Variants in CCDC102B observed in about 807,000 individuals in gnomAD.
CCDC102B encodes the protein coiled-coil domain containing 102B.
CCDC102B carries 75 observed loss-of-function variants against 57.4 expected under a neutral mutation model. The ratio of observed to expected loss-of-function variants is 1.31; its 90% CI spans 1.08 to 1.58. The LOEUF is 1.58. Among genes scored for constraint, CCDC102B ranks in the 40% most tolerant of loss-of-function variants. CCDC102B has a pLI of 0.00. For missense variants in CCDC102B, 636 were observed against 582.6 expected (o/e 1.09, Z -0.94); for synonymous variants, 206 against 201.9 (o/e 1.02, Z -0.17).
intron 7 of CCDC102B, among the ~76,000 whole-genome samples, chr18:69,029,607 G>A (rs1401212632): frequency 6.6e-6 from 1 of 152,148 alleles, no homozygotes; most frequent in Non-Finnish European, 1.5e-5. Flanking sequence ...TAAACAAGCA[G>A]TTCTCAACTC....
chr18:68,979,807 T>C (rs1479505476), intron 6 of CCDC102B, among the ~76,000 whole-genome samples: 1 of 151,968 alleles, frequency 6.6e-6, no homozygotes, highest in African/African-American at 2.4e-5. Flanking sequence ...TCTGCTCTCC[T>C]CCTCTGATGT....
intron 6 of CCDC102B, among the ~76,000 whole-genome samples, chr18:68,976,090 G>A (rs2145275436): frequency 6.6e-6 from 1 of 152,002 alleles, no homozygotes; most frequent in Admixed American, 6.6e-5. Context: ...TTGATAGCTA[G>A]AATTAAACCA....
intron 2 of CCDC102B, among the ~76,000 whole-genome samples, chr18:68,728,578 A>C (rs1283936286): frequency 6.6e-6 from 1 of 152,338 alleles, no homozygotes; most frequent in Non-Finnish European, 1.5e-5. Flanking sequence ...GACCTGAAGC[A>C]GGCAGAATGC....
At chr18:69,048,222 G>T (rs866127696) in intron 7 of CCDC102B, among the ~76,000 whole-genome samples, 7 of 147,532 alleles carry the variant, frequency 4.7e-5, no homozygotes, top group African/African-American at 7.4e-5. Flanking sequence ...GTGTGTGTGT[G>T]TTTTTTTTTT....
chr18:69,055,204 C>G (rs1005387104), downstream of CCDC102B: 7 of 929,024 alleles, frequency 7.5e-6, no homozygotes, highest in South Asian at 5.0e-5. Flanking sequence ...ATTGTAAAAG[C>G]CTTTGTCATT....
chr18:68,823,629 C>T (rs76431344), intron 1 of CCDC102B, among the ~76,000 whole-genome samples: 5,240 of 152,206 alleles, frequency 0.034, 124 homozygotes, highest in Non-Finnish European at 0.049. Context: ...AACAAATCTC[C>T]GAATTGCTTT....
chr18:68,972,130 G>T (rs1484123296), intron 6 of CCDC102B, among the ~76,000 whole-genome samples: 2 of 152,144 alleles, frequency 1.3e-5, no homozygotes, highest in African/African-American at 4.8e-5. Flanking sequence ...TACTAGATTT[G>T]GGAAGTGCAT....
At chr18:68,975,987 CA>C (rs2050426845) in intron 6 of CCDC102B, among the ~76,000 whole-genome samples, 1 of 151,814 alleles carries the variant, frequency 6.6e-6, no homozygotes, top group Non-Finnish European at 1.5e-5. Context: ...TCATAAGAGT[CA>C]ATAGAAATAC....
At chr18:68,868,179 T>A (rs1399390421) in intron 4 of CCDC102B, among the ~76,000 whole-genome samples, 1 of 152,100 alleles carries the variant, frequency 6.6e-6, no homozygotes, top group Non-Finnish European at 1.5e-5. Context: ...TATTTAAAAT[T>A]CACTAAAAAT....
intron 7 of CCDC102B, among the ~76,000 whole-genome samples, chr18:69,027,512 A>G (rs1388081680): frequency 1.3e-5 from 2 of 152,288 alleles, no homozygotes; most frequent in East Asian, 1.9e-4. Flanking sequence ...ATTCATTTTG[A>G]TGGATTTATA....
chr18:68,993,541 C>T (rs963764454), intron 6 of CCDC102B, among the ~76,000 whole-genome samples: 4 of 152,152 alleles, frequency 2.6e-5, no homozygotes, highest in African/African-American at 9.7e-5. Flanking sequence ...TTAGTGTACT[C>T]ACAACAATAT....
At chr18:68,747,598 A>G (rs1352772343) in intron 2 of CCDC102B, among the ~76,000 whole-genome samples, 1 of 152,096 alleles carries the variant, frequency 6.6e-6, no homozygotes, top group Non-Finnish European at 1.5e-5. Flanking sequence ...TAGACACTTT[A>G]TGTACATGGA....
chr18:69,010,994 G>A lies in CCDC102B; in HGVS notation c.1324G>A (p.Ala442Thr). The A allele has an allele frequency of 6.2e-7, 1 of 1,613,608 alleles. No individual in the cohort carries two copies. Among genetic ancestry groups the A allele is most frequent in the Non-Finnish European group, 8.5e-7 (1 of 1,179,700 alleles). The change falls in exon 7 of 8, where the codon GCA (alanine) becomes ACA (threonine). Residue 442 changes from alanine (A) to threonine (T), a missense_variant. By Grantham distance (58) the Ala-to-Thr change is moderately conservative. Transcript: ENST00000360242. Reference protein sequence around the residue: ...KLNRQYQANIAELTHANNRVD... With the variant: ...KLNRQYQANITELTHANNRVD... ...AAACAGACAATACCAGGCAAATATTGCAGAACTGACTCATGCAAACAACCG... is the reference window on the plus strand; with the variant it reads ...AAACAGACAATACCAGGCAAATATTACAGAACTGACTCATGCAAACAACCG...
At chr18:68,770,044 G>A (rs1025985811) in intron 2 of CCDC102B, among the ~76,000 whole-genome samples, 4 of 152,168 alleles carry the variant, frequency 2.6e-5, no homozygotes, top group Admixed American at 6.5e-5. Flanking sequence ...GCTTGGACTA[G>A]GTGTTGGAAG....
At chr18:68,943,597 C>T (rs961671537) in intron 6 of CCDC102B, among the ~76,000 whole-genome samples, 11 of 152,052 alleles carry the variant, frequency 7.2e-5, no homozygotes, top group Admixed American at 6.6e-4. Context: ...ACAATAAAGA[C>T]GTTGTTCATT....
Position 69,004,584 on chromosome 18 carries a change from CT to C in CCDC102B, c.1264-6349del, listed in dbSNP as rs1384902762. Among the ~76,000 whole-genome samples, 4 of 152,054 alleles carry C rather than the reference CT, an allele frequency of 2.6e-5. 1 individual carries two copies. The highest frequency in any genetic ancestry group is 5.9e-5 in the Non-Finnish European group (4 of 68,014). On this transcript the variant is annotated intron_variant, in intron 6 of 7. Transcript: ENST00000360242. ...CTCAGAGGCACAGGGCAGAAACTTC[CT>C]GTCACTTGATTTTTCCTGCTTTTCT...
chr18:68,927,171 A>G (rs1385756512), intron 6 of CCDC102B, among the ~76,000 whole-genome samples: 2 of 151,958 alleles, frequency 1.3e-5, no homozygotes, highest in African/African-American at 4.8e-5. Flanking sequence ...GTAGATGTAG[A>G]TGGGCTCCAT....
intron 2 of CCDC102B, among the ~76,000 whole-genome samples, chr18:68,737,952 G>A (rs2033219058): frequency 6.6e-6 from 1 of 151,936 alleles, no homozygotes; most frequent in South Asian, 2.1e-4. Flanking sequence ...AATGTGGATG[G>A]CAGTGAATGG....
At chr18:68,958,576 CTT>C (rs1440049664) in intron 6 of CCDC102B, among the ~76,000 whole-genome samples, 1 of 152,116 alleles carries the variant, frequency 6.6e-6, no homozygotes, top group Non-Finnish European at 1.5e-5. Flanking sequence ...TTTATTATCT[CTT>C]TGAATAAAAC....
Sources: gnomAD v4.1 joint callset for allele counts (sites outside exome capture counted in the v4.1 genomes callset) on GRCh38, gnomAD v4.1.1 for gene constraint, MANE v1.5 for transcripts, NCBI Gene and HGNC (gene_info 2026-07-23, HGNC 2026-07-21) for gene names.